UGT2B17: variants seen among roughly 807,000 people sequenced by gnomAD.
UGT2B17 encodes UDP-glucuronosyltransferase 2B17.
A neutral mutation model predicts 48.2 loss-of-function variants in UGT2B17; 21 were observed. The observed-to-expected ratio is 0.44, with a 90% CI of 0.31 to 0.63. The LOEUF (loss-of-function observed/expected upper bound fraction) is 0.63. UGT2B17 is among the 20% of genes least tolerant of loss of function. UGT2B17 has a pLI of 0.08. For missense variants in UGT2B17, 402 were observed against 696.1 expected (o/e 0.58, Z 4.75); for synonymous variants, 146 against 238.4 (o/e 0.61, Z 3.57).
At position 68,551,793 on chromosome 4, in the gene UGT2B17, T is replaced by C; in HGVS notation, c.1093+31A>G. The C allele has an allele frequency of 2.5e-6, 3 of 1,216,700 alleles. 1 individual carries two copies. Among genetic ancestry groups the C allele is most frequent in the South Asian group, 4.1e-5 (2 of 48,342 alleles). 75.4% of individuals were successfully genotyped at this position (1,216,700 alleles called of 1,614,324 possible). ...ATCACTTCTAATTGGCTGTTACTAA[T>C]ATATTCAGTATTTGTTCTCCAGAGT... On this transcript the variant is annotated intron_variant, in intron 5 of 6. Transcript: ENST00000317746.
chr4:68,550,654 G>C lies in UGT2B17; in HGVS notation c.1313+23C>G, dbSNP rs1181553862. ...ACAAAATAATTTGTAAGTACCACCTGGTCACAAAATTGTAATACTCACATA... is the reference window on the plus strand; with the variant it reads ...ACAAAATAATTTGTAAGTACCACCTCGTCACAAAATTGTAATACTCACATA... On this transcript the variant is annotated intron_variant, in intron 6 of 6. Transcript: ENST00000317746. 9.6e-6 allele frequency: 13 copies of C among 1,352,276 alleles called. 4 individuals carry two copies. The highest frequency in any genetic ancestry group is 1.3e-5 in the Non-Finnish European group (13 of 1,036,312). 83.8% of individuals were successfully genotyped at this position (1,352,276 alleles called of 1,614,324 possible). A position where few individuals can be genotyped will look rare whatever the true frequency, so the allele number is the denominator to read the frequency against.
chr4:68,541,010 C>T (rs1394167007), intron 6 of UGT2B17, among the ~76,000 whole-genome samples: 1 of 125,642 alleles, frequency 8.0e-6, no homozygotes, highest in Non-Finnish European at 1.7e-5. Context: ...TGCCGCCATA[C>T]TGTACATGCA....
chr4:68,544,911 C>A (rs1730766049), intron 6 of UGT2B17, among the ~76,000 whole-genome samples: 1 of 126,064 alleles, frequency 7.9e-6, no homozygotes, highest in Non-Finnish European at 1.7e-5. Flanking sequence ...TATACATGCA[C>A]CCAGATTCAT....
intron 5 of UGT2B17, 123 bp from the exon 6 acceptor site, chr4:68,551,019 G>A (rs2109765876): frequency 1.5e-6 from 1 of 675,782 alleles, no homozygotes. Flanking sequence ...CCACAAAACT[G>A]CATTGAAATT....
At position 68,558,928 on chromosome 4, in the gene UGT2B17, G is replaced by A. The variant is rs1731053856; in HGVS notation, c.1005+1609C>T. ...GAATGCCTCTTCCCTGCTTCAAGTT[G>A]GCAAAATAAACTTTCTAAATGTACT... On this transcript the variant is annotated intron_variant, in intron 4 of 6. Transcript: ENST00000317746. Among the ~76,000 whole-genome samples, 2 of 124,500 alleles carry A rather than the reference G, an allele frequency of 1.6e-5. 1 individual carries two copies. The highest frequency in any genetic ancestry group is 3.4e-5 in the Non-Finnish European group (2 of 59,014). The allele number at this position is 124,500 out of a possible 152,430, so 81.7% of individuals were successfully genotyped here.
At chr4:68,556,670 T>C (rs1387784181) in intron 4 of UGT2B17, among the ~76,000 whole-genome samples, 1 of 126,152 alleles carries the variant, frequency 7.9e-6, no homozygotes, top group Non-Finnish European at 1.7e-5. Flanking sequence ...TATGAAAGGC[T>C]GAGGAAAGTT....
In UGT2B17 at chr4:68,561,203, T is replaced by C. The variant is rs1157359017; in HGVS notation, c.874-535A>G. 5.8e-4 allele frequency among the ~76,000 whole-genome samples: 71 copies of C among 123,274 alleles called. 28 individuals carry two copies. The East Asian group carries it at 0.038, about 67-fold the overall frequency. 80.9% of individuals were successfully genotyped at this position (123,274 alleles called of 152,430 possible). A position where few individuals can be genotyped will look rare whatever the true frequency, so the allele number is the denominator to read the frequency against. On this transcript the variant is annotated intron_variant, in intron 3 of 6. Transcript: ENST00000317746. Reference sequence around the variant, plus strand: ...TAGAATGATTTTATATCTACATTTATTTAGCTTCTTTAGCTCTCTAACCCT... The same window carrying C: ...TAGAATGATTTTATATCTACATTTACTTAGCTTCTTTAGCTCTCTAACCCT...
Position 68,574,126 on chromosome 4 carries a change from G to A in UGT2B17, c.-65+1825C>T, listed in dbSNP as rs191162921. Among the ~76,000 whole-genome samples, 8 of 126,854 alleles carry A rather than the reference G, an allele frequency of 6.3e-5. 2 individuals carry two copies. Among genetic ancestry groups the A allele is most frequent in the Non-Finnish European group, 1.3e-4 (8 of 59,686 alleles). The allele number at this position is 126,854 out of a possible 152,430, so 83.2% of individuals were successfully genotyped here. A position where few individuals can be genotyped will look rare whatever the true frequency, so the allele number is the denominator to read the frequency against. The stretch of plus-strand genomic sequence containing the variant: ...GGAATATTTGATCCATTTCAACCAG[G>A]CATTTGTAGCTTGATATACTGTCTT... On this transcript the variant is annotated intron_variant, in intron 1 of 6. Transcript: ENST00000317746.
chr4:68,567,308 A>G (rs1731217824), intron 2 of UGT2B17, among the ~76,000 whole-genome samples: 1 of 126,372 alleles, frequency 7.9e-6, no homozygotes, highest in African/African-American at 2.7e-5. Context: ...AATCCTTCTT[A>G]TATGAAAAAC....
rs1469619997 is a variant in UGT2B17, at chr4:68,559,225, C to T, written c.1005+1312G>A. ...ATTTGACATCATTGATTACAAAAGA[C>T]TAAATACTTAAACTGCACATATGGT... On this transcript the variant is annotated intron_variant, in intron 4 of 6. Coordinates refer to ENST00000317746, the MANE Select transcript of UGT2B17 (RefSeq NM_001077.4). Among the ~76,000 whole-genome samples, 2 of 125,218 alleles carry T rather than the reference C, an allele frequency of 1.6e-5. 1 individual carries two copies. The highest frequency in any genetic ancestry group is 3.4e-5 in the Non-Finnish European group (2 of 59,254). 82.1% of individuals were successfully genotyped at this position (125,218 alleles called of 152,430 possible). A position where few individuals can be genotyped will look rare whatever the true frequency, so the allele number is the denominator to read the frequency against.
chr4:68,562,775 T>C (rs753813605), intron 3 of UGT2B17, among the ~76,000 whole-genome samples: 2 of 126,784 alleles, frequency 1.6e-5, no homozygotes, highest in Non-Finnish European at 3.3e-5. Context: ...ATTCTATTTA[T>C]ATAACTCAAT....
chr4:68,571,818 G>A (rs1390767465), intron 1 of UGT2B17, among the ~76,000 whole-genome samples: 1 of 126,164 alleles, frequency 7.9e-6, no homozygotes, highest in Non-Finnish European at 1.7e-5. Context: ...GTTTTTCCTG[G>A]AATCTCAGGT....
At chr4:68,561,549 C>T (rs1180917667) in intron 3 of UGT2B17, among the ~76,000 whole-genome samples, 1 of 124,168 alleles carries the variant, frequency 8.1e-6, no homozygotes, top group African/African-American at 2.8e-5. Context: ...CTCATCCTCA[C>T]TTTGCTGTGT....
chr4:68,553,525 T>G (rs1730951397), intron 4 of UGT2B17, among the ~76,000 whole-genome samples: 1 of 125,712 alleles, frequency 8.0e-6, no homozygotes, highest in African/African-American at 2.7e-5. Flanking sequence ...GGCAGATTTT[T>G]TCTTAGGTCC....
At chr4:68,558,533 C>T (rs1731045798) in intron 4 of UGT2B17, among the ~76,000 whole-genome samples, 1 of 125,926 alleles carries the variant, frequency 7.9e-6, no homozygotes, top group Non-Finnish European at 1.7e-5. Flanking sequence ...AGTAATGTGG[C>T]CTATATTAAT....
At chr4:68,549,071 C>A (rs1330781188) in intron 6 of UGT2B17, among the ~76,000 whole-genome samples, 2 of 124,210 alleles carry the variant, frequency 1.6e-5, no homozygotes, top group Non-Finnish European at 3.4e-5. Context: ...GTTTTCTAAC[C>A]TGTTTTCTGT....
intron 6 of UGT2B17, among the ~76,000 whole-genome samples, chr4:68,550,173 G>C (rs944983112): frequency 1.6e-5 from 2 of 124,594 alleles, no homozygotes; most frequent in African/African-American, 5.5e-5. Flanking sequence ...TCACAAAAAT[G>C]TTATTTAGGG....
rs1731105902 is a variant in UGT2B17 at position 68,561,674 on chromosome 4, G to A, written c.874-1006C>T. On this transcript the variant is annotated intron_variant, in intron 3 of 6. Coordinates refer to ENST00000317746, the MANE Select transcript of UGT2B17 (RefSeq NM_001077.4). ...ACTATATGAAGCTCCTGGTAAATAT[G>A]TGTTTGCTTCGAAATGAATGAGAAT... 3.3e-5 allele frequency among the ~76,000 whole-genome samples: 4 copies of A among 121,748 alleles called. 2 individuals are homozygous for A. In the Admixed American group the frequency reaches 3.5e-4, roughly 11 times the overall value. The allele number at this position is 121,748 out of a possible 152,430, so 79.9% of individuals were successfully genotyped here. A position where few individuals can be genotyped will look rare whatever the true frequency, so the allele number is the denominator to read the frequency against.
chr4:68,566,365 C>T (rs1301670310), intron 2 of UGT2B17, among the ~76,000 whole-genome samples: 1 of 118,610 alleles, frequency 8.4e-6, no homozygotes, highest in Admixed American at 9.0e-5. Context: ...AAATAAGTCA[C>T]TAATATGGTT....
Sources: gnomAD v4.1 joint callset for allele counts (sites outside exome capture counted in the v4.1 genomes callset) on GRCh38, gnomAD v4.1.1 for gene constraint, MANE v1.5 for transcripts, NCBI Gene and HGNC (gene_info 2026-07-23, HGNC 2026-07-21) for gene names.